SYT9: variants seen among roughly 807,000 people sequenced by gnomAD.
SYT9 encodes synaptotagmin-9.
Under a neutral mutation model 48.4 loss-of-function variants are expected in SYT9, and 22 were observed. That is an observed-to-expected ratio of 0.45 (90% CI 0.32 to 0.65). The LOEUF is 0.65. Ranked by LOEUF, SYT9 falls within the 30% of genes least tolerant of loss-of-function variation. The pLI is 0.03. For missense variants in SYT9, 577 were observed against 622.0 expected (o/e 0.93, Z 0.77); for synonymous variants, 265 against 245.0 (o/e 1.08, Z -0.76).
chr11:7,316,730 A>C (rs1849250159), intron 3 of SYT9, among the ~76,000 whole-genome samples: 1 of 152,218 alleles, frequency 6.6e-6, no homozygotes, highest in African/African-American at 2.4e-5. Context: ...TGCACGTATC[A>C]CAAATTGATC....
At chr11:7,409,934 T>C (rs1847102425) in intron 3 of SYT9, among the ~76,000 whole-genome samples, 1 of 152,158 alleles carries the variant, frequency 6.6e-6, no homozygotes, top group African/African-American at 2.4e-5. Flanking sequence ...AGATGCATCA[T>C]TGGGTTGTTT....
intron 3 of SYT9, among the ~76,000 whole-genome samples, chr11:7,359,557 A>T (rs1209837886): frequency 9.5e-6 from 1 of 104,900 alleles, no homozygotes; most frequent in Non-Finnish European, 2.1e-5. Flanking sequence ...CTGGTGTGAG[A>T]TGGTATCTCA....
chr11:7,393,517 A>G (rs545608555), intron 3 of SYT9, among the ~76,000 whole-genome samples: 2 of 152,112 alleles, frequency 1.3e-5, no homozygotes, highest in East Asian at 3.9e-4. Flanking sequence ...TATTTTGTTG[A>G]GGATTTTTGT....
intron 1 of SYT9, among the ~76,000 whole-genome samples, chr11:7,297,973 T>C (rs1848844967): frequency 6.6e-6 from 1 of 152,208 alleles, no homozygotes; most frequent in Non-Finnish European, 1.5e-5. Flanking sequence ...ATCTTCATGT[T>C]TTGAAATTTC....
At chr11:7,411,822 C>T (rs942649198) in intron 3 of SYT9, among the ~76,000 whole-genome samples, 2 of 152,150 alleles carry the variant, frequency 1.3e-5, no homozygotes, top group African/African-American at 4.8e-5. Flanking sequence ...TCTCTCTTTG[C>T]CCTTGGGGAC....
intron 6 of SYT9, among the ~76,000 whole-genome samples, chr11:7,431,090 G>A (rs11041378): frequency 0.37 from 55,920 of 151,990 alleles, 10,487 homozygotes; most frequent in Middle Eastern, 0.47. Flanking sequence ...ACTCTCTTAG[G>A]GACTGGTTAA....
At position 7,303,175 on chromosome 11, in the gene SYT9, C is replaced by A. The variant is rs763964385; in HGVS notation, c.282C>A (p.Asn94Lys). The change falls in exon 2 of 7, where the codon AAC (asparagine) becomes AAA (lysine). Residue 94 changes from asparagine (N) to lysine (K), a missense_variant. Physicochemically the swap from Asn to Lys is moderately conservative, Grantham distance 94. Transcript: ENST00000318881. ...ERGLPSGSKDNNQEPLNYMDT... is the reference protein window; with the variant it reads ...ERGLPSGSKDKNQEPLNYMDT... ...GCCTGCCCTCTGGTAGCAAAGACAACAACCAGGAGCCCCTTAACTACATGG... is the reference window on the plus strand; with the variant it reads ...GCCTGCCCTCTGGTAGCAAAGACAAAAACCAGGAGCCCCTTAACTACATGG... 1.2e-6 allele frequency: 2 copies of A among 1,614,198 alleles called. No homozygotes were observed. The highest frequency in any genetic ancestry group is 4.5e-5 in the East Asian group (2 of 44,884).
intron 1 of SYT9, among the ~76,000 whole-genome samples, chr11:7,276,021 T>G (rs558198961): frequency 6.2e-4 from 95 of 152,350 alleles, no homozygotes; most frequent in African/African-American, 2.1e-3. Context: ...TTCACTATTA[T>G]GTTTGAGCCA....
chr11:7,313,623 CA>C lies in SYT9; in HGVS notation c.729del (p.Ala244LeufsTer38). On this transcript the variant is annotated frameshift_variant, in exon 3 of 7. Coordinates refer to ENST00000318881, the MANE Select transcript of SYT9 (RefSeq NM_175733.4). LOFTEE classifies it high-confidence loss of function. ...DLEQLIVKIHKAVNLPAKDFS... is the reference protein window; with the variant it reads ...DLEQLIVKIHXAVNLPAKDFS... ...TAGAGCAGCTCATAGTGAAGATTCA[CA>C]AAGCTGTCAATTTGCCCGCCAAGGA... 1 of 1,614,140 alleles carries C rather than the reference CA, an allele frequency of 6.2e-7. No individual in the cohort carries two copies.
At chr11:7,406,532 G>T (rs1847014085) in intron 3 of SYT9, among the ~76,000 whole-genome samples, 1 of 66,454 alleles carries the variant, frequency 1.5e-5, no homozygotes. Flanking sequence ...ATGTTCAATT[G>T]CGCATATATA....
chr11:7,301,253 G>A (rs1055097075), intron 1 of SYT9, among the ~76,000 whole-genome samples: 1 of 152,204 alleles, frequency 6.6e-6, no homozygotes, highest in African/African-American at 2.4e-5. Flanking sequence ...TGTTTCAGTA[G>A]AAGGTGAAGA....
chr11:7,372,766 C>T (rs1218620670), intron 3 of SYT9, among the ~76,000 whole-genome samples: 2 of 152,010 alleles, frequency 1.3e-5, no homozygotes, highest in Non-Finnish European at 2.9e-5. Context: ...ATTATATGCT[C>T]TTTGAAAAAT....
In SYT9 at chr11:7,252,177, C is replaced by T. The variant is rs1847880409; in HGVS notation, c.-10C>T. On this transcript the variant is annotated 5_prime_UTR_variant, in exon 1 of 7. Coordinates refer to ENST00000318881, the MANE Select transcript of SYT9 (RefSeq NM_175733.4). The surrounding 1 kb of genome is among the most constrained non-coding windows in gnomAD (Gnocchi z 6.3). ...GCCTGCCCGGCGCGGTCCGAGGATG[C>T]GGGGGGGCGATGCCCGGGGCCAGGG... is the stretch of plus-strand genomic sequence containing the variant. 18 of 1,437,360 alleles carry T rather than the reference C, an allele frequency of 1.3e-5. No homozygotes were observed. The highest frequency in any genetic ancestry group is 2.5e-4 in the Middle Eastern group (1 of 4,068). The allele number at this position is 1,437,360 out of a possible 1,614,324, so 89.0% of individuals were successfully genotyped here.
At chr11:7,318,165 A>G (rs753904863) in intron 3 of SYT9, among the ~76,000 whole-genome samples, 1 of 152,036 alleles carries the variant, frequency 6.6e-6, no homozygotes, top group Non-Finnish European at 1.5e-5. Context: ...AAGATCTTGC[A>G]TGTCTCTTGT....
intron 4 of SYT9, among the ~76,000 whole-genome samples, chr11:7,416,895 C>G (rs1043496301): frequency 2.6e-5 from 4 of 152,116 alleles, no homozygotes; most frequent in Non-Finnish European, 4.4e-5. Context: ...ATCATCATCC[C>G]AGGCTCATTG....
chr11:7,242,173 G>A (rs369522246), intron 1 of SYT9, among the ~76,000 whole-genome samples: 37 of 152,360 alleles, frequency 2.4e-4, no homozygotes, highest in African/African-American at 7.5e-4. Context: ...TCTAATGTGC[G>A]TTGGTCAGAC....
At chr11:7,442,361 C>G (rs1237714544) in intron 6 of SYT9, among the ~76,000 whole-genome samples, 1 of 152,178 alleles carries the variant, frequency 6.6e-6, no homozygotes, top group African/African-American at 2.4e-5. Flanking sequence ...CAGCGCAAAC[C>G]AGGGTGGAGG....
rs142300774 is a variant in SYT9 at position 7,303,352 on chromosome 11, C to T, written c.459C>T (p.Arg153=). 17 of 1,612,340 alleles carry T rather than the reference C, an allele frequency of 1.1e-5. No individual in the cohort carries two copies. In the Admixed American group the frequency reaches 1.2e-4, roughly 11 times the overall value. ...AGGAGAACTGTGCCCATGGCGTCCG[C>T]GTGCAGCGCCAAGTCACAGAGCCAA... ...GIQENCAHGV[R]VQRQVTEPTS... Residue 153 remains arginine (R), a synonymous_variant, in exon 2 of 7, where the codon CGC becomes CGT. Transcript: ENST00000318881.
At chr11:7,425,432 G>C (rs1211478265) in intron 6 of SYT9, among the ~76,000 whole-genome samples, 1 of 152,144 alleles carries the variant, frequency 6.6e-6, no homozygotes, top group Admixed American at 6.5e-5. Context: ...GGAGAGCATG[G>C]GGTGACTGGG....
Sources: allele counts gnomAD v4.1 joint callset (sites outside exome capture counted in the v4.1 genomes callset), GRCh38; gene constraint gnomAD v4.1.1; non-coding constraint Gnocchi (gnomAD v3.1); transcripts MANE v1.5; gene names NCBI Gene and HGNC (gene_info 2026-07-23, HGNC 2026-07-21).